DGKI: variants seen among roughly 807,000 people sequenced by gnomAD.
The protein encoded by DGKI is DAG kinase iota.
Under a neutral mutation model 147.5 loss-of-function variants are expected in DGKI, and 55 were observed. The observed-to-expected ratio is 0.37, with a 90% confidence interval of 0.30 to 0.47. The LOEUF is 0.47. DGKI is among the 20% of genes least tolerant of loss of function. DGKI has a pLI of 1.00. For missense variants in DGKI, 1,007 were observed against 1,323.8 expected (o/e 0.76, Z 3.71); for synonymous variants, 469 against 477.1 (o/e 0.98, Z 0.22).
At chr7:137,616,282 T>A (rs1820529675) in intron 8 of DGKI, among the ~76,000 whole-genome samples, 1 of 152,170 alleles carries the variant, frequency 6.6e-6, no homozygotes. Flanking sequence ...TAGGATACTA[T>A]GATGATAAAA....
intron 21 of DGKI, among the ~76,000 whole-genome samples, chr7:137,492,187 T>C (rs1247033829): frequency 6.6e-6 from 1 of 152,180 alleles, no homozygotes; most frequent in East Asian, 1.9e-4. Context: ...AGCTTTTATG[T>C]TTCCCACTTT....
chr7:137,663,707 C>T (rs957646737), intron 3 of DGKI, among the ~76,000 whole-genome samples: 1 of 152,106 alleles, frequency 6.6e-6, no homozygotes, highest in African/African-American at 2.4e-5. Flanking sequence ...CTATGAGGAG[C>T]TTCATGAGAA....
chr7:137,399,824 C>T (rs1016589479), intron 30 of DGKI, among the ~76,000 whole-genome samples: 2 of 151,578 alleles, frequency 1.3e-5, no homozygotes, highest in South Asian at 2.1e-4. Context: ...GCAGGAAAAT[C>T]GCTTGAATCC....
intron 6 of DGKI, among the ~76,000 whole-genome samples, chr7:137,628,640 G>A (rs1821024054): frequency 6.6e-6 from 1 of 152,144 alleles, no homozygotes; most frequent in Admixed American, 6.6e-5. Flanking sequence ...GTTCAGTACC[G>A]TCAAAGAGGA....
intron 6 of DGKI, among the ~76,000 whole-genome samples, chr7:137,631,396 G>C (rs1022253184): frequency 1.3e-5 from 2 of 152,152 alleles, no homozygotes; most frequent in Admixed American, 6.5e-5. Context: ...CTTCACTTTG[G>C]GGTTTTACTA....
intron 1 of DGKI, among the ~76,000 whole-genome samples, chr7:137,727,704 T>C (rs1243025153): frequency 2.6e-5 from 4 of 152,186 alleles, no homozygotes; most frequent in Admixed American, 6.5e-5. Flanking sequence ...TTCTCCCAGA[T>C]GTTCACCATC....
chr7:137,715,022 T>A (rs1489262943), intron 1 of DGKI, among the ~76,000 whole-genome samples: 1 of 151,904 alleles, frequency 6.6e-6, no homozygotes, highest in Admixed American at 6.6e-5. Context: ...GAAACAAAAA[T>A]AACCGCCATA....
intron 23 of DGKI, among the ~76,000 whole-genome samples, chr7:137,472,077 GTTA>G (rs1814927976): frequency 2.5e-5 from 3 of 120,350 alleles, no homozygotes; most frequent in African/African-American, 1.0e-4. Flanking sequence ...TATATATTAT[GTTA>G]TATATAATAT....
intron 19 of DGKI, among the ~76,000 whole-genome samples, chr7:137,558,965 G>A (rs1646395): frequency 2.8e-5 from 4 of 142,630 alleles, no homozygotes; most frequent in Non-Finnish European, 4.5e-5. Flanking sequence ...AAAATAATTC[G>A]ATAAATTCAG....
intron 21 of DGKI, among the ~76,000 whole-genome samples, chr7:137,511,137 C>T (rs1272683438): frequency 1.3e-5 from 2 of 152,246 alleles, no homozygotes; most frequent in Non-Finnish European, 1.5e-5. Context: ...TTAGCTTACA[C>T]TTCCGCCCTT....
chr7:137,819,049 C>G (rs771458003), intron 1 of DGKI, among the ~76,000 whole-genome samples: 2 of 152,088 alleles, frequency 1.3e-5, no homozygotes, highest in East Asian at 3.9e-4. Flanking sequence ...TAAGGCTCTT[C>G]GACAGATTAA....
chr7:137,727,340 A>C (rs1794745588), intron 1 of DGKI, among the ~76,000 whole-genome samples: 5 of 152,146 alleles, frequency 3.3e-5, no homozygotes, highest in Admixed American at 3.3e-4. Context: ...ACAACAACAC[A>C]AGAAAGTTAT....
At chr7:137,449,272 A>G (rs1237761371) in intron 27 of DGKI, among the ~76,000 whole-genome samples, 2 of 152,218 alleles carry the variant, frequency 1.3e-5, no homozygotes, top group African/African-American at 4.8e-5. Flanking sequence ...TCAGCATGAC[A>G]CTGGCATAAA....
chr7:137,446,132 C>A (rs923425637), intron 27 of DGKI, among the ~76,000 whole-genome samples: 3 of 152,192 alleles, frequency 2.0e-5, no homozygotes, highest in Non-Finnish European at 4.4e-5. Flanking sequence ...CAAAGGACAA[C>A]TAAATGTCTC....
intron 28 of DGKI, among the ~76,000 whole-genome samples, chr7:137,424,825 G>A (rs188770079): frequency 1.1e-3 from 169 of 152,320 alleles, no homozygotes; most frequent in African/African-American, 3.9e-3. Flanking sequence ...AGGTGGGAGC[G>A]AGACTGGGGG....
intron 28 of DGKI, among the ~76,000 whole-genome samples, chr7:137,431,395 G>A (rs922869129): frequency 2.0e-5 from 3 of 152,082 alleles, no homozygotes; most frequent in Admixed American, 6.6e-5. Context: ...TGCATTGTCA[G>A]GAGAAAAGCT....
chr7:137,773,027 C>T (rs1715788445), intron 1 of DGKI, among the ~76,000 whole-genome samples: 1 of 152,176 alleles, frequency 6.6e-6, no homozygotes, highest in South Asian at 2.1e-4. Flanking sequence ...CAGGAATGCA[C>T]TCCCTTTTTT....
At chr7:137,631,546 G>A (rs1821121762) in intron 6 of DGKI, among the ~76,000 whole-genome samples, 1 of 152,104 alleles carries the variant, frequency 6.6e-6, no homozygotes, top group African/African-American at 2.4e-5. Context: ...TAATCACTAT[G>A]TACTAGCAGG....
chr7:137,533,126 T>C (rs2128957521), intron 20 of DGKI, among the ~76,000 whole-genome samples: 1 of 151,830 alleles, frequency 6.6e-6, no homozygotes, highest in African/African-American at 2.4e-5. Context: ...CTCTAAAAAC[T>C]TTTTTTTAAA....
Sources: gnomAD v4.1 joint callset for allele counts (sites outside exome capture counted in the v4.1 genomes callset) on GRCh38, gnomAD v4.1.1 for gene constraint, MANE v1.5 for transcripts, NCBI Gene and HGNC (gene_info 2026-07-23, HGNC 2026-07-21) for gene names.